The following PPP2R5E variants were observed in gnomAD, a reference collection of about 807,000 sequenced individuals.
PPP2R5E encodes serine/threonine-protein phosphatase 2A 56 kDa regulatory subunit epsilon isoform.
A neutral mutation model predicts 65.3 loss-of-function variants in PPP2R5E; 4 were observed. The observed-to-expected ratio is 0.06, with a 90% CI of 0.03 to 0.14. PPP2R5E has a LOEUF of 0.14. Ranked by LOEUF, PPP2R5E falls within the 10% of genes least tolerant of loss-of-function variation. The probability of loss-of-function intolerance (pLI) is 1.00; values close to 1 mark genes in which losing one functional copy is unlikely to be tolerated. For synonymous variants in PPP2R5E, 183 were observed against 187.4 expected (o/e 0.98, Z 0.19); for missense variants, 274 against 556.1 (o/e 0.49, Z 5.10).
intron 11 of PPP2R5E, among the ~76,000 whole-genome samples, chr14:63,388,876 G>A (rs1162678620): frequency 1.3e-5 from 2 of 152,166 alleles, no homozygotes; most frequent in Admixed American, 6.5e-5. Context: ...TTTATGAAAC[G>A]GGCCTTAGGT....
chr14:63,537,256 G>C (rs372875661), intron 2 of PPP2R5E, among the ~76,000 whole-genome samples: 25 of 152,086 alleles, frequency 1.6e-4, no homozygotes, highest in African/African-American at 5.5e-4. Flanking sequence ...AATTTAACTG[G>C]CTTCCTCAGA....
intron 2 of PPP2R5E, among the ~76,000 whole-genome samples, chr14:63,491,616 G>C (rs916538821): frequency 6.6e-6 from 1 of 152,136 alleles, no homozygotes; most frequent in African/African-American, 2.4e-5. Context: ...GGGAGGCCAA[G>C]GTGGGCAGAT....
intron 13 of PPP2R5E, among the ~76,000 whole-genome samples, chr14:63,377,164 A>T (rs1030628436): frequency 7.2e-5 from 11 of 152,030 alleles, no homozygotes; most frequent in African/African-American, 2.7e-4. Context: ...AAAAATAAAA[A>T]AAAAAAAATG....
chr14:63,432,417 C>A (rs1276842133), intron 3 of PPP2R5E, among the ~76,000 whole-genome samples: 1 of 152,160 alleles, frequency 6.6e-6, no homozygotes, highest in African/African-American at 2.4e-5. Context: ...AAGATCGGAG[C>A]ACTGCCAACT....
chr14:63,475,815 T>C (rs560366095), intron 2 of PPP2R5E, among the ~76,000 whole-genome samples: 27 of 152,248 alleles, frequency 1.8e-4, no homozygotes, highest in Non-Finnish European at 4.0e-4. Flanking sequence ...TCATGCCCTA[T>C]TAAAAAGAAG....
chr14:63,495,672 T>C (rs1891523091), intron 2 of PPP2R5E, among the ~76,000 whole-genome samples: 1 of 152,000 alleles, frequency 6.6e-6, no homozygotes, highest in Non-Finnish European at 1.5e-5. Flanking sequence ...TCTTTTTTTT[T>C]GGCAAGCATT....
In PPP2R5E at chr14:63,403,157, T is replaced by A. The variant is rs936059368; in HGVS notation, c.550-6441A>T. Among the ~76,000 whole-genome samples the A allele has an allele frequency of 2.6e-4, 40 of 152,178 alleles. 1 individual carries two copies. Among genetic ancestry groups the A allele is most frequent in the Non-Finnish European group, 2.9e-5 (2 of 68,036 alleles). On this transcript the variant is annotated intron_variant, in intron 5 of 13. Transcript: ENST00000337537. Reference sequence around the variant, plus strand: ...AAGTATGTAGGCAGGCAGGGCACAGTGGCTCACGCCTGTAATCCCAGCACT... The same window carrying A: ...AAGTATGTAGGCAGGCAGGGCACAGAGGCTCACGCCTGTAATCCCAGCACT...
At chr14:63,447,020 AG>A (rs1166873852) in intron 3 of PPP2R5E, among the ~76,000 whole-genome samples, 2 of 152,152 alleles carry the variant, frequency 1.3e-5, no homozygotes, top group African/African-American at 4.8e-5. Context: ...TGTAAACAGA[AG>A]TGTTGTCATC....
intron 12 of PPP2R5E, among the ~76,000 whole-genome samples, chr14:63,384,138 T>C (rs186406211): frequency 6.6e-6 from 1 of 152,246 alleles, no homozygotes. Context: ...TCCTTTCAGA[T>C]TCAGTCTAAG....
intron 2 of PPP2R5E, among the ~76,000 whole-genome samples, chr14:63,470,494 T>C (rs1890061062): frequency 6.6e-6 from 1 of 150,806 alleles, no homozygotes; most frequent in Non-Finnish European, 1.5e-5. Context: ...TGCCCTCTGA[T>C]AATGTGGTGA....
chr14:63,470,516 G>T (rs577651340), intron 2 of PPP2R5E, among the ~76,000 whole-genome samples: 73 of 150,274 alleles, frequency 4.9e-4, no homozygotes, highest in Non-Finnish European at 8.3e-4. Context: ...TGATTATCCT[G>T]TCTACTAAAG....
At chr14:63,502,371 TG>T (rs1315508493) in intron 2 of PPP2R5E, among the ~76,000 whole-genome samples, 2 of 152,018 alleles carry the variant, frequency 1.3e-5, no homozygotes, top group Non-Finnish European at 2.9e-5. Context: ...CCACAGAAGG[TG>T]GCATAATGAA....
chr14:63,403,610 C>A (rs1885891887), intron 5 of PPP2R5E, among the ~76,000 whole-genome samples: 1 of 149,760 alleles, frequency 6.7e-6, no homozygotes, highest in Non-Finnish European at 1.5e-5. Flanking sequence ...AGCAGGATGA[C>A]CAGGGCTCCA....
chr14:63,372,236 C>T lies in PPP2R5E; in HGVS notation c.*3773G>A, dbSNP rs1883728264. The T allele has an allele frequency of 6.6e-6, 1 of 152,108 alleles. No individual in the cohort carries two copies. The highest frequency in any genetic ancestry group is 1.5e-5 in the Non-Finnish European group (1 of 68,014). 9.4% of individuals were successfully genotyped at this position (152,108 alleles called of 1,614,324 possible). On this transcript the variant is annotated 3_prime_UTR_variant, in exon 14 of 14. Coordinates refer to ENST00000337537, the MANE Select transcript of PPP2R5E (RefSeq NM_006246.5). Reference sequence around the variant, plus strand: ...AGAAGCAGCACAAATTAACATTCCGCTAGATCACAATTTGCTCAACTTTCT... The same window carrying T: ...AGAAGCAGCACAAATTAACATTCCGTTAGATCACAATTTGCTCAACTTTCT...
chr14:63,395,397 G>A (rs553653819), intron 6 of PPP2R5E, 112 bp from the exon 7 acceptor site: 26 of 469,580 alleles, frequency 5.5e-5, no homozygotes, highest in Non-Finnish European at 7.4e-6. Flanking sequence ...AGAGGAGGAG[G>A]AGGAGGAGAG....
intron 2 of PPP2R5E, among the ~76,000 whole-genome samples, chr14:63,523,864 A>C (rs1893075953): frequency 1.3e-5 from 2 of 152,206 alleles, no homozygotes; most frequent in Admixed American, 6.5e-5. Context: ...TCAATCAAAA[A>C]CAGTGTTGTG....
chr14:63,476,701 A>G (rs1171626586), intron 2 of PPP2R5E, among the ~76,000 whole-genome samples: 1 of 152,158 alleles, frequency 6.6e-6, no homozygotes, highest in Non-Finnish European at 1.5e-5. Context: ...AGAGAACCCT[A>G]TACTGCTGGT....
intron 3 of PPP2R5E, among the ~76,000 whole-genome samples, chr14:63,447,703 G>A (rs1476704689): frequency 6.6e-6 from 1 of 152,172 alleles, no homozygotes; most frequent in African/African-American, 2.4e-5. Flanking sequence ...TGATGCAAGA[G>A]GCCTAGCTTT....
chr14:63,443,691 C>G (rs1225826640), intron 3 of PPP2R5E, among the ~76,000 whole-genome samples: 3 of 152,028 alleles, frequency 2.0e-5, no homozygotes, highest in Admixed American at 2.0e-4. Context: ...CCATAAGAAC[C>G]TCAACATTAA....
Sources: allele counts gnomAD v4.1 joint callset (sites outside exome capture counted in the v4.1 genomes callset), GRCh38; gene constraint gnomAD v4.1.1; transcripts MANE v1.5; gene names NCBI Gene and HGNC (gene_info 2026-07-23, HGNC 2026-07-21).